Variants in FBN2 observed in about 807,000 individuals in gnomAD.
FBN2 encodes the protein fibrillin-2.
A neutral mutation model predicts 355.6 loss-of-function variants in FBN2; 105 were observed. The observed-to-expected ratio is 0.30, with a 90% CI of 0.25 to 0.35. The LOEUF (loss-of-function observed/expected upper bound fraction) is 0.35. FBN2 is among the 10% of genes least tolerant of loss of function. FBN2 has a pLI of 1.00. For synonymous variants in FBN2, 1,350 were observed against 1,301.2 expected, an observed-to-expected ratio of 1.04 and a Z score of -0.81; for missense variants, 3,280 against 3,758.7, an observed-to-expected ratio of 0.87 and a Z score of 3.33.
chr5:128,450,475 C>T (rs1182332107), intron 6 of FBN2, among the ~76,000 whole-genome samples: 1 of 151,992 alleles, frequency 6.6e-6, no homozygotes, highest in Non-Finnish European at 1.5e-5. Flanking sequence ...AGAAATAGAA[C>T]ATATTTTGAA....
intron 34 of FBN2, among the ~76,000 whole-genome samples, chr5:128,320,944 CCTT>C (rs1320774893): frequency 1.3e-5 from 2 of 152,034 alleles, no homozygotes; most frequent in Non-Finnish European, 2.9e-5. Context: ...CCTTCCAACT[CCTT>C]ATTTTTATTT....
At chr5:128,274,759 G>T in intron 59 of FBN2, 76 bp from the exon 60 acceptor site, 1 of 892,246 alleles carries the variant, frequency 1.1e-6, no homozygotes, top group South Asian at 1.3e-5. Flanking sequence ...AGCCACAGGA[G>T]ATGCACATGC....
chr5:128,312,041 A>G, intron 37 of FBN2, 88 bp from the exon 38 acceptor site: 3 of 870,208 alleles, frequency 3.4e-6, no homozygotes. Context: ...GACAGGCTCA[A>G]TATACTCATC....
At chr5:128,272,255 AT>A in intron 61 of FBN2, 137 bp from the exon 62 acceptor site, 3 of 983,202 alleles carry the variant, frequency 3.1e-6, no homozygotes, top group Non-Finnish European at 3.1e-6. Context: ...AGAGGCTGTC[AT>A]TTTTCCAGGT....
intron 7 of FBN2, chr5:128,446,118 CAT>C (rs66584736): frequency 0.087 from 19,882 of 229,200 alleles, 1,019 homozygotes; most frequent in African/African-American, 0.14. Context: ...ATCATTTACA[CAT>C]GATACTGTAT....
At chr5:128,461,874 AG>A (rs1270724959) in intron 6 of FBN2, among the ~76,000 whole-genome samples, 1 of 151,954 alleles carries the variant, frequency 6.6e-6, no homozygotes, top group Non-Finnish European at 1.5e-5. Context: ...GGGAACTTAG[AG>A]GACAGGTCAA....
chr5:128,457,790 G>C (rs910093359), intron 6 of FBN2, among the ~76,000 whole-genome samples: 4 of 151,028 alleles, frequency 2.6e-5, no homozygotes, highest in African/African-American at 9.8e-5. Flanking sequence ...TTCCTCAAGA[G>C]CTCATGAAAG....
intron 8 of FBN2, among the ~76,000 whole-genome samples, chr5:128,407,596 C>A (rs1476517425): frequency 1.3e-5 from 2 of 152,106 alleles, no homozygotes; most frequent in South Asian, 4.1e-4. Context: ...TATTAGTAGG[C>A]TTCTACTGTT....
At chr5:128,449,383 CTATATAATAGTATACTGTATAATTATAT>C (rs1754163375) in intron 6 of FBN2, among the ~76,000 whole-genome samples, 2 of 95,330 alleles carry the variant, frequency 2.1e-5, no homozygotes, top group Admixed American at 1.0e-4. Context: ...TTATAGTATA[CTATATAATAGTATACTGTATAATTATAT>C]AGTATACTAT....
chr5:128,474,353 A>T (rs935156881), intron 5 of FBN2, among the ~76,000 whole-genome samples: 19 of 152,234 alleles, frequency 1.2e-4, no homozygotes, highest in African/African-American at 4.6e-4. Flanking sequence ...GATCATAAGC[A>T]AGTCAAATTT....
intron 59 of FBN2, among the ~76,000 whole-genome samples, chr5:128,275,323 C>T (rs1232710826): frequency 2.6e-5 from 4 of 151,932 alleles, no homozygotes; most frequent in East Asian, 1.9e-4. Flanking sequence ...GCTTAAAAAA[C>T]GCTTTAGTCA....
chr5:128,432,899 G>T lies in FBN2; in HGVS notation c.952+13582C>A, dbSNP rs532047020. On this transcript the variant is annotated intron_variant, in intron 7 of 64. Transcript: ENST00000262464. ...CAGGAAACTTACAATCATGGCAGAA[G>T]AAGAGGCACATTTTACACGGCAGCA... Among the ~76,000 whole-genome samples the T allele has an allele frequency of 9.2e-5, 14 of 152,032 alleles. No individual in the cohort carries two copies. In the Middle Eastern group the frequency reaches 0.01, roughly 111 times the overall value.
At chr5:128,386,658 G>A (rs1337314018) in intron 11 of FBN2, among the ~76,000 whole-genome samples, 1 of 151,992 alleles carries the variant, frequency 6.6e-6, no homozygotes, top group African/African-American at 2.4e-5. Flanking sequence ...TATGAGCATG[G>A]AATGTTTTTC....
chr5:128,487,518 T>C (rs1462589668), intron 5 of FBN2, among the ~76,000 whole-genome samples: 4 of 152,192 alleles, frequency 2.6e-5, no homozygotes, highest in Admixed American at 2.6e-4. Context: ...TGGGCACTTA[T>C]CACAATACAC....
chr5:128,537,473 G>A lies in FBN2; in HGVS notation c.131C>T (p.Pro44Leu), dbSNP rs1386059797. ...PPKPPRPQPPPQQVRSATAGS... is the reference protein window; with the variant it reads ...PPKPPRPQPPLQQVRSATAGS... ...TGCTGTAGCGGACCGAACCTGTTGC[G>A]GCGGCGGCTGGGGCCGGGGCGGCTT... The change falls in exon 1 of 65, where the codon CCG becomes CTG. Residue 44 changes from proline to leucine, a missense_variant. By Grantham distance (98) the Pro-to-Leu change is moderately conservative. Transcript: ENST00000262464. 6.3e-7 allele frequency: 1 copy of A among 1,599,800 alleles called. No individual in the cohort carries two copies. Among genetic ancestry groups the A allele is most frequent in the African/African-American group, 1.3e-5 (1 of 74,852 alleles).
chr5:128,443,242 T>A (rs983549404), intron 7 of FBN2, among the ~76,000 whole-genome samples: 12 of 152,078 alleles, frequency 7.9e-5, no homozygotes, highest in African/African-American at 2.9e-4. Context: ...CAAAGGAAAA[T>A]CAAATTATTA....
chr5:128,315,823 T>C (rs1750185973), intron 36 of FBN2, among the ~76,000 whole-genome samples: 1 of 152,238 alleles, frequency 6.6e-6, no homozygotes, highest in South Asian at 2.1e-4. Context: ...TGGATGAGAA[T>C]ACTGTATTTC....
At chr5:128,333,372 C>T (rs1283186082) in intron 31 of FBN2, among the ~76,000 whole-genome samples, 6 of 151,960 alleles carry the variant, frequency 3.9e-5, no homozygotes, top group African/African-American at 1.2e-4. Flanking sequence ...AGAGGACATT[C>T]GATTACAGAT....
chr5:128,268,009 G>A (rs1218661112), intron 62 of FBN2, among the ~76,000 whole-genome samples: 3 of 152,134 alleles, frequency 2.0e-5, no homozygotes, highest in African/African-American at 4.8e-5. Context: ...AAAGCTAACA[G>A]ACGACAAGAA....
Sources: gnomAD v4.1 joint callset for allele counts (sites outside exome capture counted in the v4.1 genomes callset) on GRCh38, gnomAD v4.1.1 for gene constraint, MANE v1.5 for transcripts, NCBI Gene and HGNC (gene_info 2026-07-23, HGNC 2026-07-21) for gene names.